The following ATRN variants were observed in gnomAD, a reference collection of about 807,000 sequenced individuals.
ATRN encodes the protein attractin.
Under a neutral mutation model 178.7 loss-of-function variants are expected in ATRN, and 54 were observed. That is an observed-to-expected ratio of 0.30 (90% CI 0.24 to 0.38). The LOEUF (loss-of-function observed/expected upper bound fraction) is 0.38, where lower values mean the gene tolerates loss of function less well. ATRN is among the 10% of genes least tolerant of loss of function. ATRN has a pLI of 1.00. For missense variants in ATRN, 1,443 were observed against 1,815.1 expected, an observed-to-expected ratio of 0.79 and a Z score of 3.73; for synonymous variants, 636 against 663.0, an observed-to-expected ratio of 0.96 and a Z score of 0.63.
chr20:3,563,990 C>T (rs1379466432), intron 10 of ATRN, among the ~76,000 whole-genome samples: 1 of 152,204 alleles, frequency 6.6e-6, no homozygotes, highest in African/African-American at 2.4e-5. Context: ...CTGTCTTCAT[C>T]TTGTAAGACT....
intron 24 of ATRN, among the ~76,000 whole-genome samples, chr20:3,608,733 G>A (rs6115958): frequency 0.045 from 6,879 of 152,140 alleles, 467 homozygotes; most frequent in African/African-American, 0.15. Flanking sequence ...TTGGGAGGCC[G>A]AGGCTGGTGG....
intron 1 of ATRN, among the ~76,000 whole-genome samples, chr20:3,499,539 A>G (rs2084927367): frequency 6.6e-6 from 1 of 151,772 alleles, no homozygotes; most frequent in East Asian, 1.9e-4. Context: ...TCATATCTAC[A>G]ACTATCTGAT....
At chr20:3,646,670 CA>C in intron 28 of ATRN, 52 bp from the exon 29 acceptor site, 1 of 1,486,532 alleles carries the variant, frequency 6.7e-7, no homozygotes, top group Non-Finnish European at 9.0e-7. Context: ...TTTTTTAAAA[CA>C]AAATAAAAGC....
At position 3,471,189 on chromosome 20, in the gene ATRN, G is replaced by A; in HGVS notation, c.82G>A (p.Gly28Arg). The A allele has an allele frequency of 6.7e-7, 1 of 1,502,224 alleles. No individual in the cohort carries two copies. The highest frequency in any genetic ancestry group is 8.8e-7 in the Non-Finnish European group (1 of 1,132,474). 93.1% of individuals were successfully genotyped at this position (1,502,224 alleles called of 1,614,324 possible). ...ATAALAGRSGGPHWDWDVTRA... is the reference protein window; with the variant it reads ...ATAALAGRSGRPHWDWDVTRA... ...GGCAGCGCTCGCGGGCAGGAGCGGC[G>A]GGCCGCACTGGGACTGGGACGTGAC... Residue 28 changes from glycine to arginine, a missense_variant, in exon 1 of 29, where the codon GGG (glycine) becomes AGG (arginine). Around this residue, in one of 4 missense-constraint regions of ATRN, gnomAD observed 862 missense variants for 972.1 expected, o/e 0.89. Coordinates refer to ENST00000262919, the MANE Select transcript of ATRN (RefSeq NM_139321.3).
chr20:3,478,134 C>T (rs890682431), intron 1 of ATRN, among the ~76,000 whole-genome samples: 2 of 152,122 alleles, frequency 1.3e-5, no homozygotes, highest in African/African-American at 4.8e-5. Flanking sequence ...GTACCTAACC[C>T]TTCACCTCAT....
At chr20:3,494,257 A>G (rs1210664525) in intron 1 of ATRN, among the ~76,000 whole-genome samples, 1 of 152,230 alleles carries the variant, frequency 6.6e-6, no homozygotes, top group Non-Finnish European at 1.5e-5. Flanking sequence ...CAATATTGCC[A>G]CAATATGGTC....
rs71195847 is a variant in ATRN at position 3,610,742 on chromosome 20, C to CTTTTTTT, written c.3801+6499_3801+6505dup. 9.2e-5 allele frequency among the ~76,000 whole-genome samples: 6 copies of CTTTTTTT among 65,270 alleles called. 1 individual carries two copies. Among genetic ancestry groups the CTTTTTTT allele is most frequent in the African/African-American group, 2.6e-4 (4 of 15,128 alleles). The allele number at this position is 65,270 out of a possible 152,430, so 42.8% of individuals were successfully genotyped here. ...TGCATACCACCATGCCTGGCTAATT[C>CTTTTTTT]TTTTTTTTTTTTTTTTTTTTTTTTT... On this transcript the variant is annotated intron_variant, in intron 24 of 28. Transcript: ENST00000262919.
chr20:3,635,648 A>G (rs2087020087), intron 26 of ATRN, among the ~76,000 whole-genome samples: 1 of 152,100 alleles, frequency 6.6e-6, no homozygotes, highest in African/African-American at 2.4e-5. Flanking sequence ...GAAGTATGTA[A>G]AATCACAACT....
chr20:3,493,066 ATATAT>A (rs936741269), intron 1 of ATRN, among the ~76,000 whole-genome samples: 3 of 146,488 alleles, frequency 2.0e-5, no homozygotes, highest in Non-Finnish European at 4.5e-5. Flanking sequence ...ATTATAGATT[ATATAT>A]TATATATAAT....
intron 9 of ATRN, 144 bp from the exon 10 acceptor site, chr20:3,563,065 A>AC: frequency 1.5e-6 from 1 of 681,854 alleles, no homozygotes; most frequent in Non-Finnish European, 2.3e-6. Context: ...TTGTTGAAAA[A>AC]CTTACTTTTA....
chr20:3,530,255 A>T (rs1291040664), intron 1 of ATRN, among the ~76,000 whole-genome samples: 1 of 147,398 alleles, frequency 6.8e-6, no homozygotes, highest in Admixed American at 6.8e-5. Context: ...AAAATTATAT[A>T]TTATATATAT....
At chr20:3,592,144 A>T (rs1305876112) in intron 19 of ATRN, among the ~76,000 whole-genome samples, 1 of 152,238 alleles carries the variant, frequency 6.6e-6, no homozygotes, top group Non-Finnish European at 1.5e-5. Flanking sequence ...TCACGCCTGT[A>T]ATCCCAGCAC....
chr20:3,605,999 T>C (rs2086672014), intron 24 of ATRN, among the ~76,000 whole-genome samples: 1 of 152,190 alleles, frequency 6.6e-6, no homozygotes, highest in Admixed American at 6.5e-5. Context: ...ATTCTGGAAA[T>C]ATGGAGGACA....
At chr20:3,588,043 C>T (rs577765378) in intron 18 of ATRN, among the ~76,000 whole-genome samples, 27 of 152,166 alleles carry the variant, frequency 1.8e-4, no homozygotes, top group South Asian at 1.5e-3. Flanking sequence ...GACAGGGTTT[C>T]GCCATGTTGC....
intron 25 of ATRN, chr20:3,629,108 G>T (rs927179348): frequency 2.0e-6 from 2 of 985,160 alleles, no homozygotes; most frequent in Middle Eastern, 1.0e-3. Context: ...CCAGAGCTGT[G>T]GCCGTCAGTG....
intron 1 of ATRN, among the ~76,000 whole-genome samples, chr20:3,498,581 C>T (rs2084912768): frequency 6.6e-6 from 1 of 152,020 alleles, no homozygotes; most frequent in African/African-American, 2.4e-5. Context: ...AAGACAAAAA[C>T]CACATGATTA....
At chr20:3,640,922 T>C (rs2087062480) in intron 27 of ATRN, among the ~76,000 whole-genome samples, 1 of 152,224 alleles carries the variant, frequency 6.6e-6, no homozygotes, top group South Asian at 2.1e-4. Flanking sequence ...TGGAATGTTA[T>C]CCAGCCTTCC....
intron 6 of ATRN, among the ~76,000 whole-genome samples, chr20:3,550,552 G>C (rs1377090134): frequency 6.6e-6 from 1 of 152,130 alleles, no homozygotes. Flanking sequence ...ATTTCCTCCA[G>C]GTTCTTTTCT....
intron 11 of ATRN, among the ~76,000 whole-genome samples, chr20:3,567,873 T>A (rs1297164947): frequency 1.3e-5 from 2 of 152,188 alleles, no homozygotes; most frequent in African/African-American, 2.4e-5. Flanking sequence ...CCAGATGGAT[T>A]CACAATTGCT....
Sources: gnomAD v4.1 joint callset for allele counts (sites outside exome capture counted in the v4.1 genomes callset) on GRCh38, gnomAD v4.1.1 for gene constraint, gnomAD v4.1.1 regional missense constraint, MANE v1.5 for transcripts, NCBI Gene and HGNC (gene_info 2026-07-23, HGNC 2026-07-21) for gene names.